PTPRO: variants seen among roughly 807,000 people sequenced by gnomAD.
PTPRO encodes the protein receptor-type tyrosine-protein phosphatase O.
PTPRO carries 62 observed loss-of-function variants against 145.2 expected under a neutral mutation model. That is an observed-to-expected ratio of 0.43 (90% CI 0.35 to 0.53). PTPRO has a LOEUF of 0.53. Among genes scored for constraint, PTPRO ranks in the 20% least tolerant of loss-of-function variants. The pLI, the probability that PTPRO is intolerant of heterozygous loss-of-function variation, is 0.01. For synonymous variants in PTPRO, 565 were observed against 514.7 expected (o/e 1.10, Z -1.32); for missense variants, 1,345 against 1,482.7 (o/e 0.91, Z 1.53).
chr12:15,499,322 T>G (rs1358401559), intron 3 of PTPRO, 120 bp from the exon 4 acceptor site: 1 of 1,001,924 alleles, frequency 1.0e-6, no homozygotes, highest in African/African-American at 1.6e-5. Context: ...TTACTGCCCA[T>G]AACAGTAGTT....
At chr12:15,356,974 T>C (rs1189544524) in intron 1 of PTPRO, among the ~76,000 whole-genome samples, 1 of 152,146 alleles carries the variant, frequency 6.6e-6, no homozygotes, top group Non-Finnish European at 1.5e-5. Flanking sequence ...GTTGCCTTCA[T>C]TCTATTGTCT....
intron 1 of PTPRO, among the ~76,000 whole-genome samples, chr12:15,325,487 GCCT>G (rs1866420106): frequency 6.6e-6 from 1 of 152,046 alleles, no homozygotes; most frequent in South Asian, 2.1e-4. Flanking sequence ...AATTTATCTT[GCCT>G]AAACACAATG....
At chr12:15,557,430 T>G (rs772069064) in intron 15 of PTPRO, 25 bp from the exon 16 acceptor site, 1 of 1,604,718 alleles carries the variant, frequency 6.2e-7, no homozygotes, top group East Asian at 2.2e-5. Flanking sequence ...GCAGTAACCT[T>G]GATTTTGTGG....
intron 15 of PTPRO, among the ~76,000 whole-genome samples, chr12:15,555,599 T>C (rs1943600487): frequency 6.6e-6 from 1 of 152,142 alleles, no homozygotes. Flanking sequence ...ATAGTAATGG[T>C]GGAGGAGGTG....
intron 1 of PTPRO, among the ~76,000 whole-genome samples, chr12:15,334,832 C>A (rs530346531): frequency 1.3e-5 from 2 of 152,086 alleles, no homozygotes; most frequent in African/African-American, 2.4e-5. Flanking sequence ...ATTAATAATT[C>A]TTTAATGAAT....
At chr12:15,549,026 A>G (rs1011488504) in intron 13 of PTPRO, 68 bp from the exon 14 acceptor site, 32 of 1,501,972 alleles carry the variant, frequency 2.1e-5, no homozygotes, top group Non-Finnish European at 2.9e-5. Flanking sequence ...CAACTCAACT[A>G]TGAAATATAT....
intron 1 of PTPRO, among the ~76,000 whole-genome samples, chr12:15,483,143 C>T (rs1463114137): frequency 6.6e-6 from 1 of 152,040 alleles, no homozygotes; most frequent in Non-Finnish European, 1.5e-5. Context: ...ACACTACATA[C>T]CTAGAAGATA....
At chr12:15,392,744 A>C (rs938602999) in intron 1 of PTPRO, among the ~76,000 whole-genome samples, 4 of 146,218 alleles carry the variant, frequency 2.7e-5, no homozygotes, top group Non-Finnish European at 6.0e-5. Context: ...AAAAAAAAAG[A>C]AGAAAAAAGA....
chr12:15,553,709 C>A (rs192450052), intron 15 of PTPRO, among the ~76,000 whole-genome samples: 2 of 152,150 alleles, frequency 1.3e-5, no homozygotes, highest in Admixed American at 6.5e-5. Context: ...TTAACACTTT[C>A]ATTTTGACTT....
rs532087443 is a variant in PTPRO, at chr12:15,596,711, G to T, written c.*638G>T. 6.6e-6 allele frequency: 1 copy of T among 152,330 alleles called. No homozygotes were observed. The allele number at this position is 152,330 out of a possible 1,614,324, so 9.4% of individuals were successfully genotyped here. A position where few individuals can be genotyped will look rare whatever the true frequency, so the allele number is the denominator to read the frequency against. ...AACTGTGTAATCTTTTACTATTCAA[G>T]CTATAATTCAGCTTCAAAGTAGAGT... On this transcript the variant is annotated 3_prime_UTR_variant, in exon 27 of 27. Transcript: ENST00000281171.
At chr12:15,415,225 T>TC (rs996624597) in intron 1 of PTPRO, among the ~76,000 whole-genome samples, 10 of 151,482 alleles carry the variant, frequency 6.6e-5, no homozygotes, top group East Asian at 1.9e-4. Context: ...TCCAGCTACC[T>TC]CCCCCCCAAA....
intron 1 of PTPRO, among the ~76,000 whole-genome samples, chr12:15,375,760 C>CA (rs529757376): frequency 0.083 from 7,016 of 84,302 alleles, 304 homozygotes; most frequent in East Asian, 0.19. Context: ...TGTCCCCCAC[C>CA]AAAAAAAAAA....
chr12:15,571,460 G>T lies in PTPRO; in HGVS notation c.2829+1962G>T, dbSNP rs112988708. Among the ~76,000 whole-genome samples, 3 of 152,198 alleles carry T rather than the reference G, an allele frequency of 2.0e-5. 1 individual carries two copies. The highest frequency in any genetic ancestry group is 7.2e-5 in the African/African-American group (3 of 41,532). On this transcript the variant is annotated intron_variant, in intron 19 of 26. Coordinates refer to ENST00000281171, the MANE Select transcript of PTPRO (RefSeq NM_030667.3). ...CCACCACCATGCCCGGCTAACTTTT[G>T]TATTTTTAGTAGAGACAGGGTTTCA...
chr12:15,581,098 A>G (rs1944303576), intron 22 of PTPRO, among the ~76,000 whole-genome samples: 2 of 152,190 alleles, frequency 1.3e-5, no homozygotes, highest in Non-Finnish European at 1.5e-5. Flanking sequence ...AAAGTTCATT[A>G]GCACTAGTAA....
chr12:15,443,549 G>A (rs1248997059), intron 1 of PTPRO, among the ~76,000 whole-genome samples: 1 of 152,090 alleles, frequency 6.6e-6, no homozygotes, highest in Non-Finnish European at 1.5e-5. Flanking sequence ...ACTATCAACA[G>A]AGTAAACAGA....
At chr12:15,563,654 T>C (rs576910030) in intron 17 of PTPRO, among the ~76,000 whole-genome samples, 7 of 152,254 alleles carry the variant, frequency 4.6e-5, no homozygotes, top group Non-Finnish European at 8.8e-5. Context: ...ATGAATGAGA[T>C]TGAAAGAAAA....
intron 13 of PTPRO, among the ~76,000 whole-genome samples, chr12:15,547,216 G>A (rs1302432139): frequency 6.6e-6 from 1 of 152,182 alleles, no homozygotes; most frequent in East Asian, 1.9e-4. Flanking sequence ...TAGTTTGTAA[G>A]GGGGACAGTC....
chr12:15,565,661 T>A (rs1377928321), intron 18 of PTPRO, 33 bp downstream of exon 18: 7 of 1,356,700 alleles, frequency 5.2e-6, no homozygotes, highest in Non-Finnish European at 6.3e-6. Context: ...TTTAAAAGGA[T>A]GTTTGTTATA....
intron 1 of PTPRO, among the ~76,000 whole-genome samples, chr12:15,464,436 G>T (rs1301803521): frequency 6.6e-6 from 1 of 151,648 alleles, no homozygotes; most frequent in Non-Finnish European, 1.5e-5. Flanking sequence ...CTCACTGCAA[G>T]CTCCACCTCC....
Sources: allele counts gnomAD v4.1 joint callset (sites outside exome capture counted in the v4.1 genomes callset), GRCh38; gene constraint gnomAD v4.1.1; transcripts MANE v1.5; gene names NCBI Gene and HGNC (gene_info 2026-07-23, HGNC 2026-07-21).